Variants in TPD52L1 observed in about 807,000 individuals in gnomAD.
The protein encoded by TPD52L1 is TPD52 like 1.
Under a neutral mutation model 28.7 loss-of-function variants are expected in TPD52L1, and 18 were observed. The ratio of observed to expected loss-of-function variants is 0.63; its 90% CI spans 0.43 to 0.93. The LOEUF is 0.93. Among genes scored for constraint, TPD52L1 ranks in the 40% least tolerant of loss-of-function variants. The pLI is 0.00. For synonymous variants in TPD52L1, 75 were observed against 88.8 expected, an observed-to-expected ratio of 0.84 and a Z score of 0.88; for missense variants, 203 against 254.8, an observed-to-expected ratio of 0.80 and a Z score of 1.39.
chr6:125,242,282 G>A (rs1796659612), intron 3 of TPD52L1, among the ~76,000 whole-genome samples: 2 of 152,070 alleles, frequency 1.3e-5, no homozygotes, highest in Non-Finnish European at 2.9e-5. Context: ...TTGGTAGAAT[G>A]TTCTGTAAAT....
intron 1 of TPD52L1, among the ~76,000 whole-genome samples, chr6:125,190,833 G>A (rs541841146): frequency 1.5e-4 from 23 of 152,170 alleles, no homozygotes; most frequent in Non-Finnish European, 3.4e-4. Flanking sequence ...GCAAGCAATG[G>A]GGAGCCACTG....
intron 6 of TPD52L1, 102 bp from the exon 7 acceptor site, chr6:125,262,732 A>G: frequency 7.0e-7 from 1 of 1,426,746 alleles, no homozygotes; most frequent in Non-Finnish European, 9.5e-7. Context: ...GATAGAAAGT[A>G]TTTCTGAATT....
chr6:125,182,052 G>A (rs898366899), intron 1 of TPD52L1, among the ~76,000 whole-genome samples: 11 of 152,170 alleles, frequency 7.2e-5, no homozygotes, highest in African/African-American at 2.4e-4. Flanking sequence ...AGGCACAGAT[G>A]TACTTCTCTG....
intron 3 of TPD52L1, among the ~76,000 whole-genome samples, chr6:125,247,176 T>C (rs1796969695): frequency 6.6e-6 from 1 of 152,132 alleles, no homozygotes; most frequent in Non-Finnish European, 1.5e-5. Context: ...TATAATGTTT[T>C]CTTACAGATA....
intron 1 of TPD52L1, among the ~76,000 whole-genome samples, chr6:125,174,394 A>T (rs1156737913): frequency 2.6e-5 from 4 of 152,200 alleles, no homozygotes; most frequent in Non-Finnish European, 5.9e-5. Context: ...CCTACCACAA[A>T]GTTAAAAATA....
At chr6:125,251,986 G>A (rs1250805696) in intron 4 of TPD52L1, 12 of 1,535,800 alleles carry the variant, frequency 7.8e-6, no homozygotes, top group South Asian at 1.2e-5. Flanking sequence ...TGCTAACTCT[G>A]CTCCTGCTCT....
At chr6:125,238,513 C>A (rs555529721) in intron 3 of TPD52L1, among the ~76,000 whole-genome samples, 1 of 151,806 alleles carries the variant, frequency 6.6e-6, no homozygotes, top group African/African-American at 2.4e-5. Flanking sequence ...CCCCTCGAAC[C>A]CTTTCCCCCG....
chr6:125,229,979 C>T (rs930702004), intron 3 of TPD52L1, among the ~76,000 whole-genome samples: 4 of 151,942 alleles, frequency 2.6e-5, no homozygotes, highest in African/African-American at 7.3e-5. Flanking sequence ...CCCAGCTACT[C>T]GGGAGGCTGA....
intron 1 of TPD52L1, among the ~76,000 whole-genome samples, chr6:125,219,336 T>C (rs1795075446): frequency 6.6e-6 from 1 of 152,230 alleles, no homozygotes; most frequent in African/African-American, 2.4e-5. Flanking sequence ...CAAGGCACAA[T>C]GATGGCATCA....
At chr6:125,257,606 T>A (rs891361182) in intron 6 of TPD52L1, among the ~76,000 whole-genome samples, 4 of 152,214 alleles carry the variant, frequency 2.6e-5, no homozygotes, top group Non-Finnish European at 4.4e-5. Context: ...GACTTGTTTA[T>A]AAATTCAGGT....
At chr6:125,164,133 TTGTA>T (rs1435756286) in intron 1 of TPD52L1, among the ~76,000 whole-genome samples, 1 of 152,174 alleles carries the variant, frequency 6.6e-6, no homozygotes, top group Non-Finnish European at 1.5e-5. Flanking sequence ...TATAGGTACT[TTGTA>T]TGCACAAGCA....
rs1432886849 is a variant in TPD52L1 at position 125,262,937 on chromosome 6, C to T, written c.590C>T (p.Thr197Ile). 6.2e-7 allele frequency: 1 copy of T among 1,613,956 alleles called. No homozygotes were observed. The highest frequency in any genetic ancestry group is 1.7e-5 in the Admixed American group (1 of 60,000). ...AQSLAGGSRR[T>I]KEEELQC ...AGCTTGGCAGGAGGCTCCCGGCGGACCAAGGAGGAGGAGCTGCAGTGCTAA... is the reference window on the plus strand; with the variant it reads ...AGCTTGGCAGGAGGCTCCCGGCGGATCAAGGAGGAGGAGCTGCAGTGCTAA... Residue 197 changes from threonine to isoleucine, a missense_variant, in exon 7 of 7, where the codon ACC (threonine) becomes ATC (isoleucine). Thr to Ile is a moderately conservative substitution (Grantham distance 89). Coordinates refer to ENST00000534000, the MANE Select transcript of TPD52L1 (RefSeq NM_003287.4).
At chr6:125,239,451 G>C (rs1271474965) in intron 3 of TPD52L1, among the ~76,000 whole-genome samples, 3 of 152,202 alleles carry the variant, frequency 2.0e-5, no homozygotes, top group East Asian at 1.9e-4. Flanking sequence ...GCAGGAAAGA[G>C]AGAATGAGAG....
At chr6:125,197,342 C>A (rs1793511417) in intron 1 of TPD52L1, among the ~76,000 whole-genome samples, 1 of 152,214 alleles carries the variant, frequency 6.6e-6, no homozygotes. Context: ...TAGTTCTAAT[C>A]TGCACATATC....
chr6:125,159,863 A>G (rs1337318934), intron 1 of TPD52L1, among the ~76,000 whole-genome samples: 2 of 152,230 alleles, frequency 1.3e-5, no homozygotes, highest in African/African-American at 2.4e-5. Context: ...GTCCCCACCC[A>G]AATCTCATCT....
chr6:125,219,947 T>C (rs1795124298), intron 1 of TPD52L1, 131 bp from the exon 2 acceptor site: 10 of 736,112 alleles, frequency 1.4e-5, no homozygotes, highest in Non-Finnish European at 2.2e-5. Flanking sequence ...GATTTTTGTC[T>C]TTTCTGGAAT....
intron 5 of TPD52L1, among the ~76,000 whole-genome samples, chr6:125,255,217 G>T (rs1000793795): frequency 3.3e-5 from 5 of 152,096 alleles, no homozygotes; most frequent in Non-Finnish European, 7.3e-5. Context: ...TAGTCTGCAT[G>T]AGCTTGCCTG....
chr6:125,181,796 T>C (rs901917857), intron 1 of TPD52L1, among the ~76,000 whole-genome samples: 3 of 152,148 alleles, frequency 2.0e-5, no homozygotes, highest in African/African-American at 7.2e-5. Flanking sequence ...TTTGGACATA[T>C]TGTCTTCTCC....
intron 1 of TPD52L1, among the ~76,000 whole-genome samples, chr6:125,199,191 G>C (rs1331557502): frequency 2.0e-5 from 3 of 152,084 alleles, no homozygotes; most frequent in Admixed American, 1.3e-4. Flanking sequence ...CTAATGACTC[G>C]ATTTGTTTAT....
Sources: gnomAD v4.1 joint callset for allele counts (sites outside exome capture counted in the v4.1 genomes callset) on GRCh38, gnomAD v4.1.1 for gene constraint, MANE v1.5 for transcripts, NCBI Gene and HGNC (gene_info 2026-07-23, HGNC 2026-07-21) for gene names.